SH3BGR: variants seen among roughly 807,000 people sequenced by gnomAD.
SH3BGR encodes the protein SH3 domain binding glutamate rich protein.
In SH3BGR, 29 loss-of-function variants were observed where a neutral mutation model predicts 24.5. The observed-to-expected ratio is 1.18, with a 90% confidence interval of 0.88 to 1.61. SH3BGR has a LOEUF of 1.61. Among genes scored for constraint, SH3BGR ranks in the 40% most tolerant of loss-of-function variants. The pLI is 0.00. For synonymous variants in SH3BGR, 55 were observed against 65.7 expected (o/e 0.84, Z 0.79); for missense variants, 162 against 205.8 (o/e 0.79, Z 1.30).
chr21:39,465,917 G>A (rs1031955853), intron 2 of SH3BGR, among the ~76,000 whole-genome samples: 2 of 152,168 alleles, frequency 1.3e-5, no homozygotes, highest in Admixed American at 1.3e-4. Flanking sequence ...TCTGCAAAAT[G>A]TTCCATTGTG....
At chr21:39,457,810 G>A (rs2077687295) in intron 1 of SH3BGR, among the ~76,000 whole-genome samples, 1 of 151,946 alleles carries the variant, frequency 6.6e-6, no homozygotes, top group Non-Finnish European at 1.5e-5. Flanking sequence ...CATAGTGCCA[G>A]CTATTCGGGA....
intron 5 of SH3BGR, among the ~76,000 whole-genome samples, chr21:39,509,251 C>T (rs1024963153): frequency 9.9e-5 from 15 of 152,044 alleles, no homozygotes; most frequent in African/African-American, 3.1e-4. Context: ...GGACTCTGTT[C>T]GGAGCCCCCT....
intron 1 of SH3BGR, among the ~76,000 whole-genome samples, chr21:39,446,639 A>G (rs1363674585): frequency 6.6e-6 from 1 of 152,198 alleles, no homozygotes; most frequent in Non-Finnish European, 1.5e-5. Context: ...CCTTTTTAGT[A>G]GGAAGAATAG....
chr21:39,459,591 G>C (rs1454398175), intron 1 of SH3BGR, among the ~76,000 whole-genome samples: 1 of 151,934 alleles, frequency 6.6e-6, no homozygotes, highest in Non-Finnish European at 1.5e-5. Flanking sequence ...GGAGTGCAGT[G>C]ATGTGATCAT....
chr21:39,452,285 G>A, intron 1 of SH3BGR, 144 bp downstream of exon 1: 1 of 947,606 alleles, frequency 1.1e-6, no homozygotes, highest in Non-Finnish European at 1.6e-6. Flanking sequence ...TTTGCTTTCT[G>A]CATTTGATTT....
intron 3 of SH3BGR, among the ~76,000 whole-genome samples, chr21:39,490,761 C>T (rs2078285949): frequency 1.4e-5 from 2 of 146,690 alleles, no homozygotes; most frequent in African/African-American, 2.5e-5. Flanking sequence ...TTTTTTGAGA[C>T]AGTCTCACAC....
intron 4 of SH3BGR, among the ~76,000 whole-genome samples, chr21:39,508,150 G>A (rs2078615008): frequency 6.6e-6 from 1 of 152,176 alleles, no homozygotes; most frequent in Non-Finnish European, 1.5e-5. Flanking sequence ...ATCACATTCA[G>A]TGCCCCCCGT....
At chr21:39,495,527 G>A (rs1179917581) in intron 3 of SH3BGR, among the ~76,000 whole-genome samples, 6 of 151,126 alleles carry the variant, frequency 4.0e-5, no homozygotes, top group Admixed American at 3.9e-4. Context: ...TCACCCAGGT[G>A]GGAGTGCAGT....
chr21:39,450,992 T>G (rs1040998046), upstream of SH3BGR, among the ~76,000 whole-genome samples: 1 of 150,828 alleles, frequency 6.6e-6, no homozygotes, highest in Non-Finnish European at 1.5e-5. Context: ...TTTTTTGTGT[T>G]ATTGTTGTTG....
intron 4 of SH3BGR, among the ~76,000 whole-genome samples, chr21:39,501,606 C>T (rs994633534): frequency 3.3e-5 from 5 of 152,158 alleles, no homozygotes; most frequent in African/African-American, 1.2e-4. Context: ...ATTTATCCTA[C>T]AGAAAGACAG....
intron 5 of SH3BGR, 122 bp downstream of exon 5, chr21:39,509,149 C>A: frequency 1.5e-6 from 1 of 667,162 alleles, no homozygotes; most frequent in Non-Finnish European, 2.5e-6. Context: ...ACCCACACAC[C>A]CAGAAAATCC....
intron 3 of SH3BGR, among the ~76,000 whole-genome samples, chr21:39,492,282 CTT>C (rs1191176175): frequency 6.6e-6 from 1 of 152,066 alleles, no homozygotes; most frequent in Non-Finnish European, 1.5e-5. Context: ...ATTCTTATGT[CTT>C]TGCGTCCTCA....
intron 2 of SH3BGR, among the ~76,000 whole-genome samples, chr21:39,464,832 AT>A (rs1023908051): frequency 6.6e-6 from 1 of 152,132 alleles, no homozygotes; most frequent in East Asian, 1.9e-4. Flanking sequence ...AAGGGATAAT[AT>A]TTTTTTAGGG....
Position 39,452,158 on chromosome 21 carries a change from C to T in SH3BGR, c.45+17C>T, listed in dbSNP as rs2077585285. ...TCCATAGCGGTAGGTGTCTGGTGGA[C>T]TCTTTCTTCCTATACTCTTTTCTGA... On this transcript the variant is annotated intron_variant, in intron 1 of 6. Transcript: ENST00000333634. 6.2e-7 allele frequency: 1 copy of T among 1,613,994 alleles called. No homozygotes were observed. The highest frequency in any genetic ancestry group is 8.5e-7 in the Non-Finnish European group (1 of 1,179,948).
intron 6 of SH3BGR, among the ~76,000 whole-genome samples, 177 bp from the exon 7 acceptor site, chr21:39,514,911 A>T (rs981023575): frequency 6.6e-6 from 1 of 152,242 alleles, no homozygotes; most frequent in African/African-American, 2.4e-5. Context: ...ATATAAATCT[A>T]GCTTAGTTTT....
At chr21:39,509,453 G>C (rs2078637367) in intron 5 of SH3BGR, among the ~76,000 whole-genome samples, 1 of 145,938 alleles carries the variant, frequency 6.9e-6, no homozygotes, top group South Asian at 2.2e-4. Flanking sequence ...GAACATCTTT[G>C]AATTAATCAC....
In SH3BGR at chr21:39,499,876, T is replaced by A; in HGVS notation, c.366T>A (p.Ser122Arg). The A allele has an allele frequency of 1.2e-6, 2 of 1,613,772 alleles. No homozygotes were observed. The highest frequency in any genetic ancestry group is 2.7e-5 in the African/African-American group (2 of 74,932). ...AAACTGAGGCACAAAAAGAGGGCAGTGAAGATGTGGGCAACCTCCCTGAAG... is the reference window on the plus strand; with the variant it reads ...AAACTGAGGCACAAAAAGAGGGCAGAGAAGATGTGGGCAACCTCCCTGAAG... ...GGETEAQKEG[S>R]EDVGNLPEAQ... is the part of the protein sequence containing the mutation. Residue 122 changes from serine to arginine, a missense_variant, in exon 4 of 7, where the codon AGT (serine) becomes AGA (arginine). By Grantham distance (110) the Ser-to-Arg change is moderately radical. Transcript: ENST00000333634.
intron 3 of SH3BGR, among the ~76,000 whole-genome samples, chr21:39,485,140 A>C (rs1381662738): frequency 1.3e-5 from 2 of 152,228 alleles, no homozygotes; most frequent in African/African-American, 4.8e-5. Context: ...TAGTTCTTTA[A>C]AAGCATGTGG....
chr21:39,489,202 C>T (rs948975238), intron 3 of SH3BGR, among the ~76,000 whole-genome samples: 4 of 152,206 alleles, frequency 2.6e-5, no homozygotes, highest in African/African-American at 7.2e-5. Flanking sequence ...GCTAATCATT[C>T]GAGAGATGCC....
Sources: allele counts gnomAD v4.1 joint callset (sites outside exome capture counted in the v4.1 genomes callset), GRCh38; gene constraint gnomAD v4.1.1; transcripts MANE v1.5; gene names NCBI Gene and HGNC (gene_info 2026-07-23, HGNC 2026-07-21).